The following EYS variants were observed in gnomAD, a reference collection of about 807,000 sequenced individuals.
EYS encodes the protein EGF-like photoreceptor maintenance factor.
In EYS, 250 loss-of-function variants were observed where a neutral mutation model predicts 282.1. The observed-to-expected ratio is 0.89, with a 90% CI of 0.80 to 0.98. The LOEUF is 0.98. Among genes scored for constraint, EYS ranks in the 50% least tolerant of loss-of-function variants. EYS has a pLI of 0.00. For synonymous variants in EYS, 1,355 were observed against 1,282.9 expected (o/e 1.06, Z -1.20); for missense variants, 4,016 against 3,709.0 (o/e 1.08, Z -2.15).
intron 33 of EYS, among the ~76,000 whole-genome samples, chr6:64,040,681 A>G (rs1292982491): frequency 6.6e-6 from 1 of 152,200 alleles, no homozygotes; most frequent in East Asian, 1.9e-4. Flanking sequence ...ATTTTGTTGG[A>G]ACACAGCCAT....
At chr6:63,915,638 A>G (rs1229086487) in intron 35 of EYS, among the ~76,000 whole-genome samples, 1 of 152,226 alleles carries the variant, frequency 6.6e-6, no homozygotes. Flanking sequence ...AGAATTCACC[A>G]TTCTATATGC....
chr6:64,199,558 A>G (rs1170408939), intron 31 of EYS, among the ~76,000 whole-genome samples: 2 of 152,238 alleles, frequency 1.3e-5, no homozygotes, highest in Non-Finnish European at 2.9e-5. Context: ...AATGGCGACA[A>G]AAGCCAAAAT....
intron 36 of EYS, among the ~76,000 whole-genome samples, chr6:63,834,984 T>C (rs1178283882): frequency 1.4e-5 from 2 of 137,998 alleles, no homozygotes; most frequent in Non-Finnish European, 3.0e-5. Flanking sequence ...TTCTCACTCA[T>C]AGGTGGGAAT....
chr6:64,744,765 C>T (rs1772497905), intron 22 of EYS, among the ~76,000 whole-genome samples: 1 of 151,976 alleles, frequency 6.6e-6, no homozygotes, highest in Non-Finnish European at 1.5e-5. Flanking sequence ...ATCTCAGGTA[C>T]ATTTATTTTA....
At chr6:64,104,152 C>T (rs1490939838) in intron 31 of EYS, among the ~76,000 whole-genome samples, 1 of 152,062 alleles carries the variant, frequency 6.6e-6, no homozygotes, top group Non-Finnish European at 1.5e-5. Flanking sequence ...AGCTGAAGAG[C>T]TTACCACAAA....
intron 15 of EYS, among the ~76,000 whole-genome samples, chr6:64,936,619 C>T (rs953370385): frequency 6.6e-6 from 1 of 151,360 alleles, no homozygotes; most frequent in Non-Finnish European, 1.5e-5. Context: ...TCAGTGCTGT[C>T]TCTATACACT....
chr6:65,677,098 C>A (rs1768635143), intron 1 of EYS, among the ~76,000 whole-genome samples: 1 of 98,322 alleles, frequency 1.0e-5, no homozygotes, highest in Non-Finnish European at 1.9e-5. Context: ...TTATCACAGT[C>A]ATTGGTGAAA....
At chr6:63,772,879 T>G in intron 40 of EYS, among the ~76,000 whole-genome samples, 1 of 152,256 alleles carries the variant, frequency 6.6e-6, no homozygotes, top group Non-Finnish European at 1.5e-5. Context: ...CTTGCATTTT[T>G]TTCTTAGAAA....
At chr6:64,831,375 A>T (rs9453080) in intron 19 of EYS, among the ~76,000 whole-genome samples, 44,188 of 151,834 alleles carry the variant, frequency 0.29, 6,821 homozygotes, top group African/African-American at 0.4. Flanking sequence ...ATTAACAATC[A>T]TTTGCTAATA....
In EYS at chr6:64,700,828, C is replaced by T. The variant is rs776089910; in HGVS notation, c.3444-74583G>A. ...AGCAAAGTACAGATTTATGACATTC[C>T]TTTCAAAATATCATCATCACGTTTT... On this transcript the variant is annotated intron_variant, in intron 22 of 42. Coordinates refer to ENST00000503581, the MANE Select transcript of EYS (RefSeq NM_001142800.2). 3.9e-5 allele frequency among the ~76,000 whole-genome samples: 6 copies of T among 152,036 alleles called. No homozygotes were observed. In the South Asian group the frequency reaches 8.3e-4, roughly 21 times the overall value.
intron 12 of EYS, among the ~76,000 whole-genome samples, chr6:65,087,762 T>G (rs1157231273): frequency 6.6e-6 from 1 of 152,186 alleles, no homozygotes; most frequent in Admixed American, 6.5e-5. Context: ...CCATTTGTGA[T>G]TTTCTGATCA....
chr6:64,886,594 T>G, intron 19 of EYS, 103 bp downstream of exon 19: 1 of 910,002 alleles, frequency 1.1e-6, no homozygotes, highest in Non-Finnish European at 1.5e-6. Context: ...TTTGCCCTGT[T>G]TGCATCTGGC....
At chr6:64,484,046 A>G (rs1446547141) in intron 26 of EYS, among the ~76,000 whole-genome samples, 2 of 151,662 alleles carry the variant, frequency 1.3e-5, no homozygotes, top group African/African-American at 4.8e-5. Flanking sequence ...TTGAGCAATT[A>G]GATGTTCTTC....
intron 14 of EYS, among the ~76,000 whole-genome samples, chr6:64,960,893 T>C (rs1769889822): frequency 6.6e-6 from 1 of 152,136 alleles, no homozygotes; most frequent in African/African-American, 2.4e-5. Flanking sequence ...CATTGACACA[T>C]GAGAACATAC....
intron 2 of EYS, among the ~76,000 whole-genome samples, chr6:65,544,721 A>G (rs1259384525): frequency 6.6e-6 from 1 of 152,190 alleles, no homozygotes; most frequent in African/African-American, 2.4e-5. Flanking sequence ...AAAATTTTTA[A>G]TATAGAGAAA....
intron 7 of EYS, among the ~76,000 whole-genome samples, chr6:65,387,668 T>TA (rs1308848138): frequency 2.0e-5 from 3 of 151,962 alleles, no homozygotes; most frequent in African/African-American, 7.2e-5. Context: ...TATACTATTC[T>TA]AGTAAATGGA....
intron 22 of EYS, among the ~76,000 whole-genome samples, chr6:64,781,431 T>C (rs1005201647): frequency 6.6e-6 from 1 of 151,886 alleles, no homozygotes; most frequent in Non-Finnish European, 1.5e-5. Context: ...ATGACACTTA[T>C]GGCCGGGCGG....
intron 36 of EYS, among the ~76,000 whole-genome samples, chr6:63,830,097 C>T (rs1017879747): frequency 1.3e-5 from 2 of 152,160 alleles, no homozygotes; most frequent in African/African-American, 2.4e-5. Context: ...GTAGATAAAA[C>T]CACAAAGATG....
intron 11 of EYS, among the ~76,000 whole-genome samples, chr6:65,318,131 TGCTGGGATTA>T (rs1769364921): frequency 1.3e-5 from 2 of 151,288 alleles, no homozygotes; most frequent in African/African-American, 4.9e-5. Context: ...CCTCCCAAAG[TGCTGGGATTA>T]CATGCGTGAG....
Sources: allele counts gnomAD v4.1 joint callset (sites outside exome capture counted in the v4.1 genomes callset), GRCh38; gene constraint gnomAD v4.1.1; transcripts MANE v1.5; gene names NCBI Gene and HGNC (gene_info 2026-07-23, HGNC 2026-07-21).